The following CDH17 variants were observed in gnomAD, a reference collection of about 807,000 sequenced individuals.
CDH17 encodes cadherin-17.
In CDH17, 67 loss-of-function variants were observed where a neutral mutation model predicts 86.3. The ratio of observed to expected loss-of-function variants is 0.78; its 90% CI spans 0.64 to 0.95. The LOEUF is 0.95. Ranked by LOEUF, CDH17 falls within the 40% of genes least tolerant of loss-of-function variation. The pLI is 0.00. For missense variants in CDH17, 993 were observed against 1,017.6 expected (o/e 0.98, Z 0.33); for synonymous variants, 367 against 366.4 (o/e 1.00, Z -0.02).
chr8:94,192,531 A>G (rs1248381066), intron 2 of CDH17, among the ~76,000 whole-genome samples: 3 of 152,268 alleles, frequency 2.0e-5, no homozygotes, highest in African/African-American at 7.2e-5. Flanking sequence ...AGACAGAGCT[A>G]CCTCCAGACC....
At chr8:94,198,983 A>G (rs1387704017) in intron 1 of CDH17, among the ~76,000 whole-genome samples, 1 of 147,300 alleles carries the variant, frequency 6.8e-6, no homozygotes, top group Non-Finnish European at 1.5e-5. Context: ...TACTTCCTTC[A>G]TGAAATCTTC....
chr8:94,194,061 C>A (rs527557871), intron 2 of CDH17, among the ~76,000 whole-genome samples: 2 of 152,160 alleles, frequency 1.3e-5, no homozygotes, highest in African/African-American at 4.8e-5. Flanking sequence ...AAAAAGGCAC[C>A]TACTGTTTAC....
chr8:94,156,268 C>T (rs1812947122), intron 12 of CDH17, among the ~76,000 whole-genome samples: 1 of 152,222 alleles, frequency 6.6e-6, no homozygotes, highest in Admixed American at 6.5e-5. Context: ...CTAGCGATCA[C>T]TGATGATATC....
intron 2 of CDH17, among the ~76,000 whole-genome samples, chr8:94,193,426 G>A (rs966178123): frequency 2.6e-5 from 4 of 152,094 alleles, no homozygotes; most frequent in Admixed American, 6.6e-5. Flanking sequence ...ACCACCAGTC[G>A]CTGATCCAAG....
At position 94,176,603 on chromosome 8, in the gene CDH17, T is replaced by C; in HGVS notation, c.362A>G (p.Asp121Gly). 6.2e-7 allele frequency: 1 copy of C among 1,613,828 alleles called. No homozygotes were observed. The highest frequency in any genetic ancestry group is 8.5e-7 in the Non-Finnish European group (1 of 1,179,768). ...PITIKVKDINDNRPTFLQSKY... is the reference protein window; with the variant it reads ...PITIKVKDINGNRPTFLQSKY... Reference sequence around the variant, plus strand: ...TGACTGGAGAAACGTGGGTCGATTGTCGTTGATGTCCTTCACTTTTATGGT... The same window carrying C: ...TGACTGGAGAAACGTGGGTCGATTGCCGTTGATGTCCTTCACTTTTATGGT... The change falls in exon 5 of 18, where the codon GAC becomes GGC. Residue 121 changes from aspartate (D) to glycine (G), a missense_variant. Coordinates refer to ENST00000027335, the MANE Select transcript of CDH17 (RefSeq NM_004063.4).
intron 1 of CDH17, among the ~76,000 whole-genome samples, chr8:94,198,002 C>T (rs1043073247): frequency 2.0e-5 from 3 of 152,014 alleles, no homozygotes; most frequent in Non-Finnish European, 2.9e-5. Context: ...TTGCCTCCAA[C>T]CAGATTATCA....
chr8:94,189,428 T>C, intron 2 of CDH17, 143 bp from the exon 3 acceptor site: 1 of 627,668 alleles, frequency 1.6e-6, no homozygotes, highest in East Asian at 2.8e-5. Context: ...AAGAGTGTAA[T>C]AGCTGTTGAA....
intron 17 of CDH17, among the ~76,000 whole-genome samples, chr8:94,128,814 C>A (rs917439644): frequency 4.5e-4 from 69 of 152,176 alleles, no homozygotes; most frequent in African/African-American, 1.6e-3. Context: ...CGTGTCCATA[C>A]CAACTATCGC....
chr8:94,198,815 C>G (rs1813835671), intron 1 of CDH17, among the ~76,000 whole-genome samples: 1 of 152,122 alleles, frequency 6.6e-6, no homozygotes. Context: ...GATGTTTCCT[C>G]ATTTCTGCTT....
chr8:94,144,399 G>A (rs1812698608), intron 15 of CDH17, among the ~76,000 whole-genome samples: 1 of 152,064 alleles, frequency 6.6e-6, no homozygotes, highest in African/African-American at 2.4e-5. Context: ...TACAAAGTGA[G>A]CACATGCTGT....
At chr8:94,153,344 T>C (rs1812890564) in intron 12 of CDH17, among the ~76,000 whole-genome samples, 1 of 152,188 alleles carries the variant, frequency 6.6e-6, no homozygotes, top group Non-Finnish European at 1.5e-5. Context: ...TAGAATGACT[T>C]ATCAAAAAGA....
At chr8:94,136,271 C>A (rs1812523852) in intron 15 of CDH17, among the ~76,000 whole-genome samples, 1 of 152,164 alleles carries the variant, frequency 6.6e-6, no homozygotes. Flanking sequence ...TTTCATTCTC[C>A]CCGTCACTTT....
chr8:94,141,759 T>A (rs2130584317), intron 15 of CDH17, among the ~76,000 whole-genome samples: 1 of 152,300 alleles, frequency 6.6e-6, no homozygotes, highest in East Asian at 1.9e-4. Flanking sequence ...ATATACCATG[T>A]TCATGAATTG....
Position 94,178,661 on chromosome 8 carries a change from A to G in CDH17, c.151-940T>C, listed in dbSNP as rs558899874. On this transcript the variant is annotated intron_variant, in intron 3 of 17. Coordinates refer to ENST00000027335, the MANE Select transcript of CDH17 (RefSeq NM_004063.4). ...TTCATTCTACAAATTATGAAGAAAC[A>G]TAAGAAACAATGATGTAAAGTAACA... Among the ~76,000 whole-genome samples the G allele has an allele frequency of 4.6e-5, 7 of 152,328 alleles. No homozygotes were observed. In the East Asian group the frequency reaches 1.2e-3, roughly 25 times the overall value.
chr8:94,164,013 A>C (rs1813108487), intron 10 of CDH17, among the ~76,000 whole-genome samples: 1 of 152,220 alleles, frequency 6.6e-6, no homozygotes, highest in Admixed American at 6.5e-5. Context: ...TAGTTATATC[A>C]ACACACACAT....
upstream of CDH17, among the ~76,000 whole-genome samples, chr8:94,211,350 C>G (rs148367607): frequency 8.0e-3 from 1,210 of 152,192 alleles, 20 homozygotes; most frequent in African/African-American, 0.026. Flanking sequence ...GTCTTGATGT[C>G]CCCAAGGCTG....
At chr8:94,142,049 G>A (rs1458618481) in intron 15 of CDH17, among the ~76,000 whole-genome samples, 1 of 152,100 alleles carries the variant, frequency 6.6e-6, no homozygotes, top group Non-Finnish European at 1.5e-5. Flanking sequence ...TTATGTATAG[G>A]TGGTCACTTG....
intron 10 of CDH17, 74 bp downstream of exon 10, chr8:94,165,687 T>A: frequency 2.1e-6 from 2 of 974,408 alleles, no homozygotes. Flanking sequence ...ATACCAGACA[T>A]TAGCGCAGGA....
chr8:94,129,260 A>G (rs536151178), intron 17 of CDH17, among the ~76,000 whole-genome samples: 1 of 152,216 alleles, frequency 6.6e-6, no homozygotes, highest in South Asian at 2.1e-4. Flanking sequence ...AAGAAAAGGC[A>G]CAGAGGCAGA....
Sources: allele counts gnomAD v4.1 joint callset (sites outside exome capture counted in the v4.1 genomes callset), GRCh38; gene constraint gnomAD v4.1.1; transcripts MANE v1.5; gene names NCBI Gene and HGNC (gene_info 2026-07-23, HGNC 2026-07-21).